Variants in TFB1M observed in about 807,000 individuals in gnomAD.
TFB1M encodes dimethyladenosine transferase 1, mitochondrial.
TFB1M carries 27 observed loss-of-function variants against 31.1 expected under a neutral mutation model. The observed-to-expected ratio is 0.87, with a 90% CI of 0.64 to 1.20. TFB1M has a LOEUF of 1.20. Ranked by LOEUF, TFB1M falls within the 50% of genes most tolerant of loss-of-function variation. The pLI, the probability that TFB1M is intolerant of heterozygous loss-of-function variation, is 0.00. For missense variants in TFB1M, 394 were observed against 418.7 expected, an observed-to-expected ratio of 0.94 and a Z score of 0.51; for synonymous variants, 166 against 151.8, an observed-to-expected ratio of 1.09 and a Z score of -0.69.
chr6:155,246,653 T>C, the TFB1M span, among the ~76,000 whole-genome samples: 1 of 152,184 alleles, frequency 6.6e-6, no homozygotes, highest in Non-Finnish European at 1.5e-5. Context: ...ACCTTTGTAT[T>C]GACAGTCTGT....
In TFB1M at chr6:155,258,096, A is replaced by AGAC. The variant is rs773477422; in HGVS notation, c.795-17_795-15dup. ...GGGAATAACATTCTGAGGGGAAGAC[A>AGAC]GACAGACAGAAAAATAAGAATTTTA... On this transcript the variant is annotated splice_polypyrimidine_tract_variant and intron_variant, in intron 6 of 6. Coordinates refer to ENST00000367166, the MANE Select transcript of TFB1M (RefSeq NM_016020.4). The AGAC allele has an allele frequency of 3.1e-6, 5 of 1,614,162 alleles. No individual in the cohort carries two copies. The highest frequency in any genetic ancestry group is 3.3e-5 in the Admixed American group (2 of 60,022).
At position 155,314,401 on chromosome 6, in the gene TFB1M, A is replaced by G. The variant is rs1396005619; in HGVS notation, c.28T>C (p.Cys10Arg). MAASGKLST[C>R]RLPPLPTIRE... ...ATCGTGGGCAACGGAGGGAGACGGC[A>G]AGTGCTGAGTTTTCCGGAGGCAGCC... Residue 10 changes from cysteine (C) to arginine (R), a missense_variant, in exon 1 of 7, where the codon TGC becomes CGC. Transcript: ENST00000367166. The G allele has an allele frequency of 5.6e-6, 9 of 1,614,130 alleles. No individual in the cohort carries two copies. The highest frequency in any genetic ancestry group is 1.3e-5 in the African/African-American group (1 of 74,950).
intron 5 of TFB1M, among the ~76,000 whole-genome samples, chr6:155,267,496 G>GA (rs1784711185): frequency 6.6e-6 from 1 of 152,236 alleles, no homozygotes; most frequent in African/African-American, 2.4e-5. Context: ...GTGTTGTTTT[G>GA]AAAGAAAGCT....
intron 1 of TFB1M, among the ~76,000 whole-genome samples, chr6:155,313,881 T>C (rs1778125176): frequency 6.6e-6 from 1 of 152,232 alleles, no homozygotes; most frequent in Non-Finnish European, 1.5e-5. Flanking sequence ...AAGTTATTGA[T>C]AAAATCCTCG....
chr6:155,250,133 A>G, the TFB1M span, among the ~76,000 whole-genome samples: 1 of 152,342 alleles, frequency 6.6e-6, no homozygotes, highest in South Asian at 2.1e-4. Flanking sequence ...ACATATAGAC[A>G]TATCATAAAA....
downstream of TFB1M, among the ~76,000 whole-genome samples, chr6:155,252,272 G>A (rs1344684032): frequency 1.3e-5 from 2 of 152,138 alleles, no homozygotes; most frequent in East Asian, 3.9e-4. Flanking sequence ...AGGAATTTGA[G>A]ACCAGCCTGG....
downstream of TFB1M, chr6:155,254,806 A>C: frequency 3.8e-6 from 2 of 523,100 alleles, no homozygotes; most frequent in Non-Finnish European, 3.4e-6. Flanking sequence ...GTCCAAATGT[A>C]CGATTTTGTT....
rs188277288 is a variant in TFB1M at position 155,309,318 on chromosome 6, C to G, written c.285+1870G>C. 9.8e-5 allele frequency among the ~76,000 whole-genome samples: 15 copies of G among 152,320 alleles called. No homozygotes were observed. In the East Asian group the frequency reaches 2.7e-3, roughly 27 times the overall value. On this transcript the variant is annotated intron_variant, in intron 2 of 6. Transcript: ENST00000367166. ...GGCACTGTTACGTGAGATAGAGGTA[C>G]AGCAGGGAACAAAACAGACACACAT...
At chr6:155,294,984 G>A (rs967251214) in intron 4 of TFB1M, among the ~76,000 whole-genome samples, 15 of 152,202 alleles carry the variant, frequency 9.9e-5, no homozygotes, top group Admixed American at 3.3e-4. Flanking sequence ...ACAGTCATAA[G>A]CAACGTCAGT....
rs1333196720 is a variant in TFB1M, at chr6:155,286,365, GACAGAC to G, written c.547-1094_547-1089del. Among the ~76,000 whole-genome samples, 4 of 151,464 alleles carry G rather than the reference GACAGAC, an allele frequency of 2.6e-5. No individual in the cohort carries two copies. In the East Asian group the frequency reaches 7.7e-4, roughly 29 times the overall value. ...AGAGCTATATAAGAAAAGACAGACA[GACAGAC>G]ACACACACATATATGTATATATGTA... On this transcript the variant is annotated intron_variant, in intron 4 of 6. Transcript: ENST00000367166.
intron 5 of TFB1M, among the ~76,000 whole-genome samples, chr6:155,261,579 G>A (rs959929350): frequency 6.6e-6 from 1 of 152,216 alleles, no homozygotes; most frequent in Non-Finnish European, 1.5e-5. Context: ...GTGAAAATAA[G>A]CTGTGCTCAG....
At chr6:155,312,774 A>G (rs117423985) in intron 1 of TFB1M, among the ~76,000 whole-genome samples, 1,661 of 152,186 alleles carry the variant, frequency 0.011, 17 homozygotes, top group Non-Finnish European at 0.017. Context: ...GGCTCATGAG[A>G]AAATGTATTT....
the TFB1M span, among the ~76,000 whole-genome samples, chr6:155,237,991 T>C: frequency 6.6e-6 from 1 of 152,364 alleles, no homozygotes; most frequent in African/African-American, 2.4e-5. Flanking sequence ...GAAAATGGGA[T>C]TTTCTTTGCT....
At chr6:155,248,211 C>A in the TFB1M span, 3 of 1,602,764 alleles carry the variant, frequency 1.9e-6, no homozygotes, top group Non-Finnish European at 2.6e-6. Context: ...CGGGCGAGGG[C>A]CTGCACAGGG....
intron 2 of TFB1M, among the ~76,000 whole-genome samples, chr6:155,309,298 T>C (rs1228587296): frequency 6.6e-6 from 1 of 152,250 alleles, no homozygotes; most frequent in African/African-American, 2.4e-5. Context: ...TGCTAGGCAC[T>C]GTTACGTGAG....
chr6:155,266,185 A>G (rs1313577386), intron 5 of TFB1M, among the ~76,000 whole-genome samples: 1 of 152,188 alleles, frequency 6.6e-6, no homozygotes, highest in Non-Finnish European at 1.5e-5. Context: ...GTTAACCATC[A>G]CAACATTTTT....
Position 155,269,322 on chromosome 6 carries a change from TTC to T in TFB1M, c.667-8924_667-8923del, listed in dbSNP as rs1491245009. ...TAGCTTAGTTTTCTTTTCTTTTCTTTTCTTTTTTTTTTTTTTTGAGATGGAGT... is the reference window on the plus strand; with the variant it reads ...TAGCTTAGTTTTCTTTTCTTTTCTTTTTTTTTTTTTTTTTTGAGATGGAGT... On this transcript the variant is annotated intron_variant, in intron 5 of 6. Transcript: ENST00000367166. Among the ~76,000 whole-genome samples, 74 of 83,878 alleles carry T rather than the reference TTC, an allele frequency of 8.8e-4. No individual in the cohort carries two copies. The East Asian group carries it at 0.041, about 47-fold the overall frequency. The allele number at this position is 83,878 out of a possible 152,430, so 55.0% of individuals were successfully genotyped here.
Position 155,256,813 on chromosome 6 carries a change from GACCCAGACGTTC to G in TFB1M, c.*1011_*1022del, listed in dbSNP as rs777128748. 7.4e-6 allele frequency: 12 copies of G among 1,614,056 alleles called. No individual in the cohort carries two copies. In the African/African-American group the frequency reaches 1.2e-4, roughly 16 times the overall value. ...GTTCCAGAGACTGAGGATTTCCGAG[GACCCAGACGTTC>G]ACCCCGAGGCTGAGCAGCAGCCTGG... On this transcript the variant is annotated 3_prime_UTR_variant, in exon 7 of 7. Transcript: ENST00000367166.
chr6:155,275,790 C>T (rs886427143), intron 5 of TFB1M: 1 of 1,614,094 alleles, frequency 6.2e-7, no homozygotes, highest in Admixed American at 1.7e-5. Context: ...GTGCTCACAG[C>T]CACTCTGCTG....
Sources: gnomAD v4.1 joint callset for allele counts (sites outside exome capture counted in the v4.1 genomes callset) on GRCh38, gnomAD v4.1.1 for gene constraint, MANE v1.5 for transcripts, NCBI Gene and HGNC (gene_info 2026-07-23, HGNC 2026-07-21) for gene names.